PTPRD: variants seen among roughly 807,000 people sequenced by gnomAD.
The protein encoded by PTPRD is receptor-type tyrosine-protein phosphatase delta.
PTPRD carries 34 observed loss-of-function variants against 214.5 expected under a neutral mutation model. That is an observed-to-expected ratio of 0.16 (90% CI 0.12 to 0.21). PTPRD has a LOEUF of 0.21. Ranked by LOEUF, PTPRD falls within the 10% of genes least tolerant of loss-of-function variation. PTPRD has a pLI of 1.00. For synonymous variants in PTPRD, 1,128 were observed against 845.7 expected (o/e 1.33, Z -5.79); for missense variants, 2,545 against 2,398.7 (o/e 1.06, Z -1.27).
At chr9:9,880,276 T>C (rs2068237755) in intron 5 of PTPRD, among the ~76,000 whole-genome samples, 1 of 152,180 alleles carries the variant, frequency 6.6e-6, no homozygotes, top group African/African-American at 2.4e-5. Flanking sequence ...TGTGAGTCAA[T>C]TAAACCTCTT....
intron 8 of PTPRD, among the ~76,000 whole-genome samples, chr9:9,438,279 A>G (rs951277684): frequency 1.3e-5 from 2 of 152,184 alleles, no homozygotes; most frequent in Non-Finnish European, 2.9e-5. Flanking sequence ...ACAGCAAAAG[A>G]CTACTACTAT....
At chr9:9,773,431 T>C (rs962181699) in intron 5 of PTPRD, among the ~76,000 whole-genome samples, 3 of 152,142 alleles carry the variant, frequency 2.0e-5, no homozygotes, top group African/African-American at 4.8e-5. Flanking sequence ...TACATGATGA[T>C]TGACAGTGAT....
At chr9:9,346,465 T>G (rs1252572851) in intron 9 of PTPRD, among the ~76,000 whole-genome samples, 1 of 152,122 alleles carries the variant, frequency 6.6e-6, no homozygotes, top group African/African-American at 2.4e-5. Context: ...ATTAAACAAC[T>G]CTATATTACG....
chr9:10,188,075 C>T (rs983758879), intron 3 of PTPRD, among the ~76,000 whole-genome samples: 3 of 152,190 alleles, frequency 2.0e-5, no homozygotes, highest in Non-Finnish European at 2.9e-5. Context: ...AATATCTCTG[C>T]TAACATTATT....
intron 12 of PTPRD, among the ~76,000 whole-genome samples, chr9:8,706,833 G>T (rs1433709828): frequency 2.0e-5 from 3 of 152,184 alleles, no homozygotes; most frequent in Admixed American, 1.3e-4. Flanking sequence ...ATTGCTTCCT[G>T]ATTTCACTGC....
At chr9:8,777,217 T>C (rs937687286) in intron 11 of PTPRD, among the ~76,000 whole-genome samples, 17 of 152,070 alleles carry the variant, frequency 1.1e-4, no homozygotes, top group African/African-American at 3.9e-4. Context: ...TGGGCTCAAG[T>C]GATACTCCTG....
At chr9:8,892,237 G>C (rs2154240890) in intron 11 of PTPRD, among the ~76,000 whole-genome samples, 1 of 152,088 alleles carries the variant, frequency 6.6e-6, no homozygotes, top group South Asian at 2.1e-4. Context: ...AGAACTCCTT[G>C]GATTCTGGCA....
intron 8 of PTPRD, among the ~76,000 whole-genome samples, chr9:9,554,604 T>A (rs2154286768): frequency 1.3e-5 from 2 of 152,088 alleles, no homozygotes; most frequent in African/African-American, 4.8e-5. Context: ...AAGATATTGG[T>A]CGTTGTTTGG....
chr9:10,339,514 A>C (rs1565395972), intron 3 of PTPRD, among the ~76,000 whole-genome samples: 1 of 151,738 alleles, frequency 6.6e-6, no homozygotes, highest in Non-Finnish European at 1.5e-5. Flanking sequence ...CCAGGATAAT[A>C]AAAAGCTATC....
chr9:9,676,495 A>T (rs1203290839), intron 7 of PTPRD, among the ~76,000 whole-genome samples: 1 of 151,964 alleles, frequency 6.6e-6, no homozygotes, highest in Admixed American at 6.6e-5. Context: ...CATGGTGTAT[A>T]TGTGCCACAT....
chr9:10,013,883 G>C (rs1250892390), intron 4 of PTPRD, among the ~76,000 whole-genome samples: 1 of 151,610 alleles, frequency 6.6e-6, no homozygotes, highest in Non-Finnish European at 1.5e-5. Context: ...TTTTTTGTTT[G>C]TTTCTTCTTT....
intron 2 of PTPRD, among the ~76,000 whole-genome samples, chr9:10,422,279 C>G (rs1054282452): frequency 1.3e-5 from 2 of 151,996 alleles, no homozygotes; most frequent in South Asian, 2.1e-4. Flanking sequence ...GAAACTGGAT[C>G]CCTTCTTGTA....
Position 9,345,831 on chromosome 9 carries a change from A to T in PTPRD, c.-203+51618T>A, listed in dbSNP as rs114495862. ...TGATTAGATTAACAAACATTAGGTT[A>T]TTGTGATGATTAGATTAACAAACAT... On this transcript the variant is annotated intron_variant, in intron 9 of 45. Coordinates refer to ENST00000381196, the MANE Select transcript of PTPRD (RefSeq NM_002839.4). Among the ~76,000 whole-genome samples the T allele has an allele frequency of 9.0e-3, 1,364 of 152,302 alleles. 16 individuals are homozygous for T. Among genetic ancestry groups the T allele is most frequent in the African/African-American group, 0.031 (1,292 of 41,568 alleles).
At chr9:9,237,062 T>C (rs915334367) in intron 9 of PTPRD, among the ~76,000 whole-genome samples, 9 of 152,194 alleles carry the variant, frequency 5.9e-5, no homozygotes, top group African/African-American at 1.9e-4. Context: ...AAAATGGAAC[T>C]GTATACTCAG....
intron 9 of PTPRD, among the ~76,000 whole-genome samples, chr9:9,373,674 C>A (rs2060093943): frequency 6.6e-6 from 1 of 152,058 alleles, no homozygotes; most frequent in Non-Finnish European, 1.5e-5. Context: ...CCATTTCCTT[C>A]TCTCTTATAA....
chr9:10,093,474 C>CG (rs2098452718), intron 3 of PTPRD, among the ~76,000 whole-genome samples: 1 of 151,084 alleles, frequency 6.6e-6, no homozygotes, highest in African/African-American at 2.4e-5. Context: ...AGCAGAAAAA[C>CG]GGGAATGCTT....
intron 11 of PTPRD, among the ~76,000 whole-genome samples, chr9:8,964,082 G>A (rs527643407): frequency 4.6e-5 from 7 of 150,998 alleles, no homozygotes; most frequent in Non-Finnish European, 8.8e-5. Flanking sequence ...TCATAGAGGA[G>A]TCCCTCCTCC....
intron 9 of PTPRD, among the ~76,000 whole-genome samples, chr9:9,301,430 G>C (rs1294036176): frequency 6.6e-6 from 1 of 151,856 alleles, no homozygotes; most frequent in East Asian, 1.9e-4. Context: ...TGGTGGCACA[G>C]AACTAGACTG....
intron 30 of PTPRD, among the ~76,000 whole-genome samples, chr9:8,480,991 T>C (rs879853378): frequency 5.9e-5 from 9 of 151,844 alleles, no homozygotes; most frequent in Non-Finnish European, 1.2e-4. Context: ...TACAAAAAGA[T>C]TAGCCAGGCG....
Sources: gnomAD v4.1 joint callset for allele counts (sites outside exome capture counted in the v4.1 genomes callset) on GRCh38, gnomAD v4.1.1 for gene constraint, MANE v1.5 for transcripts, NCBI Gene and HGNC (gene_info 2026-07-23, HGNC 2026-07-21) for gene names.